Variants in LRFN5 observed in about 807,000 individuals in gnomAD.
LRFN5 encodes the protein leucine-rich repeat and fibronectin type-III domain-containing protein 5.
LRFN5 carries 24 observed loss-of-function variants against 45.6 expected under a neutral mutation model. The ratio of observed to expected loss-of-function variants is 0.53; its 90% CI spans 0.38 to 0.74. The LOEUF (loss-of-function observed/expected upper bound fraction) is 0.74, where lower values mean the gene tolerates loss of function less well. Among genes scored for constraint, LRFN5 ranks in the 30% least tolerant of loss-of-function variants. The probability of loss-of-function intolerance (pLI) is 0.00; values close to 1 mark genes in which losing one functional copy is unlikely to be tolerated. For synonymous variants in LRFN5, 340 were observed against 313.8 expected (o/e 1.08, Z -0.88); for missense variants, 776 against 861.5 (o/e 0.90, Z 1.24).
At chr14:41,705,518 C>T (rs1022642517) in intron 1 of LRFN5, among the ~76,000 whole-genome samples, 3 of 152,114 alleles carry the variant, frequency 2.0e-5, no homozygotes, top group Middle Eastern at 3.2e-3. Context: ...TGCACATATA[C>T]ATAAGCATGC....
At chr14:41,877,625 T>C (rs997683695) in intron 2 of LRFN5, among the ~76,000 whole-genome samples, 38 of 146,874 alleles carry the variant, frequency 2.6e-4, no homozygotes, top group African/African-American at 1.0e-3. Context: ...AAAATACATG[T>C]GTGTGTGTAT....
chr14:41,740,912 C>T (rs185518159), intron 1 of LRFN5, among the ~76,000 whole-genome samples: 2 of 151,982 alleles, frequency 1.3e-5, no homozygotes, highest in Non-Finnish European at 2.9e-5. Context: ...AAAAAGAGTA[C>T]TATTTCTATA....
At chr14:41,635,657 A>G (rs1879267674) in intron 1 of LRFN5, among the ~76,000 whole-genome samples, 1 of 152,148 alleles carries the variant, frequency 6.6e-6, no homozygotes, top group South Asian at 2.1e-4. Context: ...AGGTTAGATT[A>G]CAGTGGTTTG....
At chr14:41,788,114 T>G (rs2138936716) in intron 2 of LRFN5, among the ~76,000 whole-genome samples, 2 of 152,148 alleles carry the variant, frequency 1.3e-5, no homozygotes, top group South Asian at 4.1e-4. Context: ...GAAAATAAAT[T>G]TATGTTGTAT....
chr14:41,829,574 TTA>T (rs566428767), intron 2 of LRFN5, among the ~76,000 whole-genome samples: 2 of 151,922 alleles, frequency 1.3e-5, no homozygotes, highest in Non-Finnish European at 2.9e-5. Flanking sequence ...CTCTTGATTT[TTA>T]TCTTTTTTTT....
chr14:41,843,467 T>G (rs1888937844), intron 2 of LRFN5, among the ~76,000 whole-genome samples: 1 of 152,174 alleles, frequency 6.6e-6, no homozygotes, highest in Non-Finnish European at 1.5e-5. Flanking sequence ...GGTTACTGAC[T>G]TTTTGTGTCC....
At chr14:41,898,874 T>TA (rs752743703) in intron 4 of LRFN5, 43 bp from the exon 5 acceptor site, 57 of 1,568,008 alleles carry the variant, frequency 3.6e-5, no homozygotes, top group Middle Eastern at 3.4e-4. Flanking sequence ...CTATTTCTTT[T>TA]AAAAAAATGA....
At chr14:41,729,268 T>C (rs1367254037) in intron 1 of LRFN5, among the ~76,000 whole-genome samples, 2 of 152,194 alleles carry the variant, frequency 1.3e-5, no homozygotes, top group African/African-American at 4.8e-5. Context: ...ACACAAAAGT[T>C]GGTTATTTAA....
At chr14:41,633,417 C>A (rs1462279871) in intron 1 of LRFN5, among the ~76,000 whole-genome samples, 1 of 151,944 alleles carries the variant, frequency 6.6e-6, no homozygotes, top group African/African-American at 2.4e-5. Flanking sequence ...GCATTAATTT[C>A]TTGTCACTTA....
At chr14:41,778,016 G>T (rs1249235757) in intron 2 of LRFN5, among the ~76,000 whole-genome samples, 2 of 118,740 alleles carry the variant, frequency 1.7e-5, no homozygotes, top group African/African-American at 6.3e-5. Flanking sequence ...TTTGGTGGGG[G>T]GGGGGGATTG....
intron 1 of LRFN5, among the ~76,000 whole-genome samples, chr14:41,671,617 G>GTTTTTTTTTGTTT (rs1881225790): frequency 1.3e-5 from 1 of 78,020 alleles, no homozygotes; most frequent in African/African-American, 5.4e-5. Context: ...TTTTTTTTTC[G>GTTTTTTTTTGTTT]TTTTTTTTTT....
chr14:41,888,585 T>C (rs554588561), intron 3 of LRFN5, among the ~76,000 whole-genome samples: 55 of 152,226 alleles, frequency 3.6e-4, no homozygotes, highest in African/African-American at 1.3e-3. Flanking sequence ...AAATAGGATG[T>C]AACTATAAAA....
intron 2 of LRFN5, among the ~76,000 whole-genome samples, chr14:41,772,719 T>G (rs1036279334): frequency 6.6e-6 from 1 of 152,164 alleles, no homozygotes; most frequent in Non-Finnish European, 1.5e-5. Context: ...CTCTTGATTA[T>G]CTTGCCACAT....
At chr14:41,893,093 GT>G in intron 4 of LRFN5, 1 of 984,652 alleles carries the variant, frequency 1.0e-6, no homozygotes, top group East Asian at 1.1e-4. Context: ...TTGCACTATA[GT>G]TTTTGCATTT....
intron 2 of LRFN5, among the ~76,000 whole-genome samples, chr14:41,882,800 T>C (rs1356301634): frequency 6.6e-6 from 1 of 151,918 alleles, no homozygotes; most frequent in Non-Finnish European, 1.5e-5. Flanking sequence ...TGTCCTAGTT[T>C]CTTTTTTGTT....
intron 2 of LRFN5, among the ~76,000 whole-genome samples, chr14:41,781,700 GAA>G (rs1166334409): frequency 6.6e-6 from 1 of 150,546 alleles, no homozygotes; most frequent in Non-Finnish European, 1.5e-5. Context: ...AAGAAAAAGA[GAA>G]AGAAAAAGAG....
chr14:41,633,466 A>G (rs1888620126), intron 1 of LRFN5, among the ~76,000 whole-genome samples: 2 of 152,234 alleles, frequency 1.3e-5, no homozygotes, highest in South Asian at 4.1e-4. Flanking sequence ...AATAACTTTG[A>G]AAAATTATGA....
rs143251931 is a variant in LRFN5, at chr14:41,887,727, C to G, written c.1102C>G (p.Gln368Glu). The change falls in exon 3 of 6, where the codon CAA becomes GAA. Residue 368 changes from glutamine (Q) to glutamate (E), a missense_variant. By Grantham distance (29) the Gln-to-Glu change is conservative. Around this residue, in one of 2 missense-constraint regions of LRFN5, gnomAD observed 465 missense variants for 456.4 expected, o/e 1.02. Coordinates refer to ENST00000298119, the MANE Select transcript of LRFN5 (RefSeq NM_152447.5). The surrounding 1 kb of genome is among the most constrained non-coding windows in gnomAD (Gnocchi z 4.8). Reference protein sequence around the residue: ...IASNPAGEATQIVDLHIIKLP... With the variant: ...IASNPAGEATEIVDLHIIKLP... ...TTCCAATCCTGCTGGGGAAGCAACA[C>G]AAATAGTGGATCTTCATATAATTAA... 4.5e-5 allele frequency: 73 copies of G among 1,614,028 alleles called. No individual in the cohort carries two copies. In the African/African-American group the frequency reaches 9.3e-4, roughly 21 times the overall value.
intron 1 of LRFN5, among the ~76,000 whole-genome samples, chr14:41,673,303 C>T (rs1566614032): frequency 2.6e-5 from 4 of 151,476 alleles, no homozygotes; most frequent in African/African-American, 9.6e-5. Flanking sequence ...CGGGCAGAGG[C>T]GCCCCTCACC....
Sources: allele counts gnomAD v4.1 joint callset (sites outside exome capture counted in the v4.1 genomes callset), GRCh38; gene constraint gnomAD v4.1.1; regional missense constraint gnomAD v4.1.1; non-coding constraint Gnocchi (gnomAD v3.1); transcripts MANE v1.5; gene names NCBI Gene and HGNC (gene_info 2026-07-23, HGNC 2026-07-21).